KIF18B: variants seen among roughly 807,000 people sequenced by gnomAD.
The protein encoded by KIF18B is kinesin-like protein KIF18B.
Under a neutral mutation model 80.9 loss-of-function variants are expected in KIF18B, and 49 were observed. The observed-to-expected ratio is 0.61, with a 90% CI of 0.48 to 0.77. KIF18B has a LOEUF of 0.77. Ranked by LOEUF, KIF18B falls within the 30% of genes least tolerant of loss-of-function variation. The pLI is 0.00. For synonymous variants in KIF18B, 439 were observed against 463.9 expected (o/e 0.95, Z 0.69); for missense variants, 994 against 1,127.7 (o/e 0.88, Z 1.70).
chr17:44,929,093 C>A, intron 11 of KIF18B, 69 bp from the exon 12 acceptor site: 1 of 1,339,404 alleles, frequency 7.5e-7, no homozygotes, highest in Non-Finnish European at 1.1e-6. Context: ...CTATGCCATG[C>A]ACCTGTCCTC....
rs1477837133 is a variant in KIF18B at position 44,934,814 on chromosome 17, C to T, written c.576+17G>A. 10 of 1,520,846 alleles carry T rather than the reference C, an allele frequency of 6.6e-6. No individual in the cohort carries two copies. Among genetic ancestry groups the T allele is most frequent in the South Asian group, 2.4e-5 (2 of 83,032 alleles). 94.2% of individuals were successfully genotyped at this position (1,520,846 alleles called of 1,614,324 possible). ...GACCCATGGGGCCGATCATCCTACC[C>T]GAGCCCAATCCCACACCTGGTGGAA... On this transcript the variant is annotated intron_variant, in intron 4 of 15. Transcript: ENST00000593135. This position sits in a 1 kb window ranked among gnomAD's most constrained non-coding sequence, Gnocchi z 5.4.
chr17:44,947,033 C>A (rs1179323861), intron 1 of KIF18B, among the ~76,000 whole-genome samples: 1 of 138,992 alleles, frequency 7.2e-6, no homozygotes, highest in African/African-American at 2.7e-5. Context: ...CGCTTGAACC[C>A]GGGAGGCGGA....
chr17:44,939,757 A>T (rs1341467423), intron 1 of KIF18B, among the ~76,000 whole-genome samples: 1 of 152,052 alleles, frequency 6.6e-6, no homozygotes, highest in Admixed American at 6.6e-5. Context: ...ATATTTCTTG[A>T]TAGGTTTATT....
chr17:44,935,417 C>T lies in KIF18B; in HGVS notation c.314-1G>A. The T allele has an allele frequency of 6.2e-7, 1 of 1,602,872 alleles. No homozygotes were observed. Among genetic ancestry groups the T allele is most frequent in the Non-Finnish European group, 8.5e-7 (1 of 1,173,744 alleles). On this transcript the variant is annotated splice_acceptor_variant, in intron 2 of 15. Coordinates refer to ENST00000593135, the MANE Select transcript of KIF18B (RefSeq NM_001265577.2). LOFTEE classifies it high-confidence loss of function. Reference sequence around the variant, plus strand: ...GCCCCGGTGGCCCCGTAGGCAAACACTGCAGAGGACATAGTAAGGAGGAGG... The same window carrying T: ...GCCCCGGTGGCCCCGTAGGCAAACATTGCAGAGGACATAGTAAGGAGGAGG...
chr17:44,938,842 C>T (rs908128739), intron 1 of KIF18B, among the ~76,000 whole-genome samples: 5 of 150,120 alleles, frequency 3.3e-5, no homozygotes, highest in Admixed American at 6.7e-5. Context: ...GTTGGCAGTT[C>T]GAGACCAGCT....
At position 44,934,107 on chromosome 17, in the gene KIF18B, G is replaced by A. The variant is rs935085287; in HGVS notation, c.886-8C>T. On this transcript the variant is annotated splice_region_variant and splice_polypyrimidine_tract_variant and intron_variant, in intron 6 of 15. Coordinates refer to ENST00000593135, the MANE Select transcript of KIF18B (RefSeq NM_001265577.2). This position sits in a 1 kb window ranked among gnomAD's most constrained non-coding sequence, Gnocchi z 5.4. ...CACATGGGTCTTGCGGCCCTGGGGG[G>A]CAGTAAGCAGGTGTGGGGTGAGGCG... 1.2e-5 allele frequency: 20 copies of A among 1,611,698 alleles called. No homozygotes were observed. Among genetic ancestry groups the A allele is most frequent in the Middle Eastern group, 1.6e-4 (1 of 6,062 alleles).
At chr17:44,926,595 C>G in intron 14 of KIF18B, 96 bp from the exon 15 acceptor site, 1 of 1,237,020 alleles carries the variant, frequency 8.1e-7, no homozygotes, top group Non-Finnish European at 1.1e-6. Flanking sequence ...TGACACTAAG[C>G]CCTGAGAGCA....
chr17:44,935,411 C>T lies in KIF18B; in HGVS notation c.319G>A (p.Ala107Thr). 1 of 1,607,788 alleles carries T rather than the reference C, an allele frequency of 6.2e-7. No individual in the cohort carries two copies. The highest frequency in any genetic ancestry group is 8.5e-7 in the Non-Finnish European group (1 of 1,176,584). Reference sequence around the variant, plus strand: ...TTCCCAGCCCCGGTGGCCCCGTAGGCAAACACTGCAGAGGACATAGTAAGG... The same window carrying T: ...TTCCCAGCCCCGGTGGCCCCGTAGGTAAACACTGCAGAGGACATAGTAAGG... The part of the protein sequence containing the change: ...FLQGYNCSVF[A>T]YGATGAGKTH... The change falls in exon 3 of 16, where the codon GCC (alanine) becomes ACC (threonine). Residue 107 changes from alanine to threonine, a missense_variant. Ala to Thr is a moderately conservative substitution (Grantham distance 58, BLOSUM62 0). Coordinates refer to ENST00000593135, the MANE Select transcript of KIF18B (RefSeq NM_001265577.2).
At chr17:44,938,412 G>A (rs1005458584) in intron 1 of KIF18B, among the ~76,000 whole-genome samples, 2 of 152,032 alleles carry the variant, frequency 1.3e-5, no homozygotes, top group Admixed American at 1.3e-4. Flanking sequence ...TGCATTCCTG[G>A]AAAAAATTCT....
intron 3 of KIF18B, 107 bp downstream of exon 3, chr17:44,935,152 A>G: frequency 8.2e-7 from 1 of 1,214,832 alleles, no homozygotes; most frequent in Non-Finnish European, 1.1e-6. Context: ...GAGGGGTGCC[A>G]GCTCTCCATT....
chr17:44,932,172 T>C lies in KIF18B; in HGVS notation c.1273A>G (p.Arg425Gly). 3 of 1,613,176 alleles carry C rather than the reference T, an allele frequency of 1.9e-6. No individual in the cohort carries two copies. The highest frequency in any genetic ancestry group is 1.7e-6 in the Non-Finnish European group (2 of 1,179,512). The change falls in exon 10 of 16, where the codon AGA (arginine) becomes GGA (glycine). Residue 425 changes from arginine (R) to glycine (G), a missense_variant. Physicochemically the swap from Arg to Gly is moderately radical, Grantham distance 125. Coordinates refer to ENST00000593135, the MANE Select transcript of KIF18B (RefSeq NM_001265577.2). ...CCCAGACTCTCCTCTTGAAGGGCTC[T>C]AGGCCCTGCAGGGAGCTCTGGGGTG... The part of the protein sequence containing the change: ...PCTPELPAGP[R>G]ALQEESLGME...
rs886119885 is a variant in KIF18B, at chr17:44,927,426, C to T, written c.2277-348G>A. On this transcript the variant is annotated intron_variant, in intron 13 of 15. Transcript: ENST00000593135. The surrounding 1 kb of genome is among the most constrained non-coding windows in gnomAD (Gnocchi z 4.1). ...GGTGGGCAGAGCCTGCCAGCCTCTG[C>T]CCCACAGGTGCAGGTCAGTCTGCCA... 1.3e-5 allele frequency among the ~76,000 whole-genome samples: 2 copies of T among 152,206 alleles called. No homozygotes were observed. The highest frequency in any genetic ancestry group is 4.8e-5 in the African/African-American group (2 of 41,458).
Position 44,928,888 on chromosome 17 carries a change from C to T in KIF18B, c.1654G>A (p.Ala552Thr). ...AGGCCTGAAGTCCTCAAGGCCTCTG[C>T]CCCAGGCTCAATTTTTTCCTCTTGC... Reference protein sequence around the residue: ...LVQEEKIEPGAEALRTSGLAR... With the variant: ...LVQEEKIEPGTEALRTSGLAR... Residue 552 changes from alanine (A) to threonine (T), a missense_variant, in exon 12 of 16, where the codon GCA becomes ACA. Physicochemically the swap from Ala to Thr is moderately conservative, Grantham distance 58. Coordinates refer to ENST00000593135, the MANE Select transcript of KIF18B (RefSeq NM_001265577.2). 1.2e-6 allele frequency: 2 copies of T among 1,613,950 alleles called. No individual in the cohort carries two copies. The highest frequency in any genetic ancestry group is 1.1e-5 in the South Asian group (1 of 91,086).
intron 11 of KIF18B, 128 bp downstream of exon 11, chr17:44,931,474 C>G: frequency 8.1e-7 from 1 of 1,231,270 alleles, no homozygotes; most frequent in Middle Eastern, 2.0e-4. Context: ...GAGGTGAAAC[C>G]AGGTAAAGGA....
At position 44,934,153 on chromosome 17, in the gene KIF18B, A is replaced by G; in HGVS notation, c.886-54T>C. On this transcript the variant is annotated intron_variant, in intron 6 of 15. Coordinates refer to ENST00000593135, the MANE Select transcript of KIF18B (RefSeq NM_001265577.2). This position sits in a 1 kb window ranked among gnomAD's most constrained non-coding sequence, Gnocchi z 5.4. ...AGGCGACTGATGGCACTGACCCAGG[A>G]TGGGGCCCTGTGGCCTTTGGCCCTG... 2 of 1,601,824 alleles carry G rather than the reference A, an allele frequency of 1.2e-6. No individual in the cohort carries two copies. Among genetic ancestry groups the G allele is most frequent in the South Asian group, 2.2e-5 (2 of 89,422 alleles).
At chr17:44,943,107 GT>G (rs752271465) in intron 1 of KIF18B, among the ~76,000 whole-genome samples, 2 of 148,170 alleles carry the variant, frequency 1.3e-5, no homozygotes, top group African/African-American at 2.5e-5. Context: ...TGTTTTTTTT[GT>G]TTTTTTTTTG....
At chr17:44,935,884 C>G in intron 2 of KIF18B, 148 bp downstream of exon 2, 1 of 709,182 alleles carries the variant, frequency 1.4e-6, no homozygotes, top group Non-Finnish European at 2.4e-6. Context: ...GAGTGTCCCA[C>G]AGAGCATGAT....
chr17:44,943,376 AG>A (rs1360515320), intron 1 of KIF18B, among the ~76,000 whole-genome samples: 1 of 152,184 alleles, frequency 6.6e-6, no homozygotes, highest in Non-Finnish European at 1.5e-5. Flanking sequence ...CTGGGATTAC[AG>A]GTGTGAGCCA....
chr17:44,936,624 A>ATTT (rs72105429), intron 1 of KIF18B, among the ~76,000 whole-genome samples: 6 of 27,902 alleles, frequency 2.2e-4, no homozygotes, highest in African/African-American at 7.0e-4. Flanking sequence ...ATATATATAT[A>ATTT]TTTTTTTTTT....
Sources: allele counts gnomAD v4.1 joint callset (sites outside exome capture counted in the v4.1 genomes callset), GRCh38; gene constraint gnomAD v4.1.1; non-coding constraint Gnocchi (gnomAD v3.1); transcripts MANE v1.5; gene names NCBI Gene and HGNC (gene_info 2026-07-23, HGNC 2026-07-21).